The following TFEB variants were observed in gnomAD, a reference collection of about 807,000 sequenced individuals.
TFEB encodes transcription factor EB, also known as T-cell transcription factor EB.
In TFEB, 12 loss-of-function variants were observed where a neutral mutation model predicts 48.0. The observed-to-expected ratio is 0.25, with a 90% CI of 0.16 to 0.40. The LOEUF (loss-of-function observed/expected upper bound fraction) is 0.40, where lower values mean the gene tolerates loss of function less well. TFEB is among the 10% of genes least tolerant of loss of function. The pLI, the probability that TFEB is intolerant of heterozygous loss-of-function variation, is 1.00. For missense variants in TFEB, 509 were observed against 640.3 expected (o/e 0.79, Z 2.21); for synonymous variants, 244 against 261.4 (o/e 0.93, Z 0.64).
chr6:41,722,492 C>T (rs902910536), intron 1 of TFEB, among the ~76,000 whole-genome samples: 1 of 152,210 alleles, frequency 6.6e-6, no homozygotes, highest in African/African-American at 2.4e-5. Flanking sequence ...GAGGGGCCCA[C>T]CTGTGGGCTG....
intron 3 of TFEB, among the ~76,000 whole-genome samples, chr6:41,690,072 G>A (rs75491407): frequency 0.03 from 4,545 of 152,210 alleles, 119 homozygotes; most frequent in East Asian, 0.091. Flanking sequence ...CTTGGGGAGT[G>A]TGCTGGGCTT....
Position 41,690,896 on chromosome 6 carries a change from G to C in TFEB, c.235C>G (p.Pro79Ala). The change falls in exon 3 of 9, where the codon CCC becomes GCC. Residue 79 changes from proline to alanine, a missense_variant. Transcript: ENST00000373033. ...VLKVQSYLEN[P>A]TSYHLQQSQH... Reference sequence around the variant, plus strand: ...GACTGCTGCAGATGGTAGGATGTGGGATTCTCCAGGTAGGACTGCACCTGG... The same window carrying C: ...GACTGCTGCAGATGGTAGGATGTGGCATTCTCCAGGTAGGACTGCACCTGG... 1 of 1,599,166 alleles carries C rather than the reference G, an allele frequency of 6.3e-7. No homozygotes were observed. Among genetic ancestry groups the C allele is most frequent in the African/African-American group, 1.3e-5 (1 of 74,816 alleles).
intron 7 of TFEB, chr6:41,686,502 A>AC: frequency 3.5e-6 from 1 of 282,418 alleles, no homozygotes; most frequent in Non-Finnish European, 6.3e-6. Context: ...AGCCCAGCCT[A>AC]CCTTTCTTTT....
intron 1 of TFEB, among the ~76,000 whole-genome samples, chr6:41,708,249 A>G (rs1457965728): frequency 6.6e-6 from 1 of 152,238 alleles, no homozygotes; most frequent in East Asian, 1.9e-4. Flanking sequence ...CGACTGGGGA[A>G]GGGTCTGCCT....
At chr6:41,701,233 A>G (rs552782949) in intron 1 of TFEB, among the ~76,000 whole-genome samples, 1 of 152,250 alleles carries the variant, frequency 6.6e-6, no homozygotes, top group South Asian at 2.1e-4. Context: ...GCAGGCAGCC[A>G]CCTTTCTCCT....
chr6:41,732,763 G>T, intron 1 of TFEB: 1 of 985,916 alleles, frequency 1.0e-6, no homozygotes, highest in Non-Finnish European at 1.2e-6. Context: ...TATGTTCACT[G>T]CGTCCTGGGA....
intron 1 of TFEB, among the ~76,000 whole-genome samples, chr6:41,696,874 CAAAAA>C (rs1375722949): frequency 6.6e-6 from 1 of 151,834 alleles, no homozygotes; most frequent in Non-Finnish European, 1.5e-5. Context: ...TATATGAGTT[CAAAAA>C]AACGCAACAT....
intron 1 of TFEB, among the ~76,000 whole-genome samples, chr6:41,705,125 A>T (rs1581905939): frequency 6.6e-6 from 1 of 152,298 alleles, no homozygotes; most frequent in Non-Finnish European, 1.5e-5. Context: ...CTGCCCAAAG[A>T]GCAGCTCCAG....
At chr6:41,718,365 C>T (rs1177516234) in intron 1 of TFEB, among the ~76,000 whole-genome samples, 1 of 151,540 alleles carries the variant, frequency 6.6e-6, no homozygotes, top group Non-Finnish European at 1.5e-5. Flanking sequence ...TGCATCATCA[C>T]ACCCGGATAA....
At chr6:41,714,110 C>CAT (rs545675600) in intron 1 of TFEB, among the ~76,000 whole-genome samples, 4 of 144,190 alleles carry the variant, frequency 2.8e-5, no homozygotes, top group East Asian at 2.1e-4. Context: ...TGTGTGTGCA[C>CAT]GTGTGTGTGT....
At chr6:41,689,685 C>G in intron 4 of TFEB, 46 bp downstream of exon 4, 1 of 1,505,562 alleles carries the variant, frequency 6.6e-7, no homozygotes, top group Non-Finnish European at 9.2e-7. Context: ...TGGGTGCCCC[C>G]CTCCCTAGAA....
rs1770934631 is a variant in TFEB, at chr6:41,720,535, G to A, written c.-23+14815C>T. On this transcript the variant is annotated intron_variant, in intron 1 of 8. Coordinates refer to ENST00000373033, the MANE Select transcript of TFEB (RefSeq NM_001271944.2). This position sits in a 1 kb window ranked among gnomAD's most constrained non-coding sequence, Gnocchi z 4.1. ...TCACAAGATGGGCATCACCACCCAGGAGGCTGGCCGCTCAGGAGACAGTGT... is the reference window on the plus strand; with the variant it reads ...TCACAAGATGGGCATCACCACCCAGAAGGCTGGCCGCTCAGGAGACAGTGT... The A allele has an allele frequency of 6.6e-6, 1 of 152,334 alleles. No individual in the cohort carries two copies. The highest frequency in any genetic ancestry group is 2.4e-5 in the African/African-American group (1 of 41,446). The allele number at this position is 152,334 out of a possible 1,614,324, so 9.4% of individuals were successfully genotyped here. A position where few individuals can be genotyped will look rare whatever the true frequency, so the allele number is the denominator to read the frequency against.
intron 1 of TFEB, among the ~76,000 whole-genome samples, chr6:41,710,872 C>A (rs1203734013): frequency 6.6e-6 from 1 of 152,186 alleles, no homozygotes; most frequent in African/African-American, 2.4e-5. Context: ...ACAGCACACC[C>A]TGACTTCACC....
At chr6:41,693,885 C>T (rs1769435771) in intron 1 of TFEB, among the ~76,000 whole-genome samples, 1 of 152,096 alleles carries the variant, frequency 6.6e-6, no homozygotes, top group Non-Finnish European at 1.5e-5. Flanking sequence ...GTCTTTGTAC[C>T]CCCACTGCCC....
rs945866287 is a variant in TFEB, at chr6:41,734,748, A to G, written c.-23+602T>C. Among the ~76,000 whole-genome samples the G allele has an allele frequency of 6.6e-6, 1 of 151,844 alleles. No individual in the cohort carries two copies. The highest frequency in any genetic ancestry group is 2.0e-4 in the East Asian group (1 of 5,092). ...CGGGGCCAGGGGCGGCTTCTTCAAGAGACCGAGCTGGAGGAAGGGACGGGA... is the reference window on the plus strand; with the variant it reads ...CGGGGCCAGGGGCGGCTTCTTCAAGGGACCGAGCTGGAGGAAGGGACGGGA... On this transcript the variant is annotated intron_variant, in intron 1 of 8. Coordinates refer to ENST00000373033, the MANE Select transcript of TFEB (RefSeq NM_001271944.2). The surrounding 1 kb of genome is among the most constrained non-coding windows in gnomAD (Gnocchi z 4.0).
chr6:41,733,647 G>A (rs1581944466), intron 1 of TFEB: 1 of 985,482 alleles, frequency 1.0e-6, no homozygotes, highest in Non-Finnish European at 1.2e-6. Flanking sequence ...GGGGTCACCG[G>A]CATGGTGAAA....
chr6:41,685,096 G>A lies in TFEB; in HGVS notation c.952-18C>T. On this transcript the variant is annotated intron_variant, in intron 8 of 8. Transcript: ENST00000373033. ...TCCAGCTCCTGCAGGGGAGCAGACA[G>A]AAGGCTGGGGAACACACCTATGGGC... 1 of 1,431,176 alleles carries A rather than the reference G, an allele frequency of 7.0e-7. No individual in the cohort carries two copies. The highest frequency in any genetic ancestry group is 9.2e-7 in the Non-Finnish European group (1 of 1,088,792). 88.7% of individuals were successfully genotyped at this position (1,431,176 alleles called of 1,614,324 possible). A position where few individuals can be genotyped will look rare whatever the true frequency, so the allele number is the denominator to read the frequency against.
At chr6:41,707,655 G>A (rs925870678) in intron 1 of TFEB, among the ~76,000 whole-genome samples, 8 of 152,336 alleles carry the variant, frequency 5.3e-5, no homozygotes, top group Middle Eastern at 3.4e-3. Flanking sequence ...GAAGCTGGGA[G>A]GGCTGGGGAT....
rs1021854687 is a variant in TFEB, at chr6:41,686,329, G to A, written c.804-92C>T. The A allele has an allele frequency of 3.3e-6, 5 of 1,530,740 alleles. No homozygotes were observed. In the African/African-American group the frequency reaches 6.8e-5, roughly 21 times the overall value. 94.8% of individuals were successfully genotyped at this position (1,530,740 alleles called of 1,614,324 possible). On this transcript the variant is annotated intron_variant, in intron 7 of 8. Coordinates refer to ENST00000373033, the MANE Select transcript of TFEB (RefSeq NM_001271944.2). ...TCTGGTTGCAGAGCTTATGTGGCCT[G>A]TCCCAGTCTTACCCAGCAACCCCAG...
Sources: gnomAD v4.1 joint callset for allele counts (sites outside exome capture counted in the v4.1 genomes callset) on GRCh38, gnomAD v4.1.1 for gene constraint, Gnocchi (gnomAD v3.1) non-coding constraint, MANE v1.5 for transcripts, NCBI Gene and HGNC (gene_info 2026-07-23, HGNC 2026-07-21) for gene names.